The following SPMIP7 variants were observed in gnomAD, a reference collection of about 807,000 sequenced individuals.
SPMIP7 encodes protein SPMIP7.
At chr7:50,122,824 C>T in the SPMIP7 span, among the ~76,000 whole-genome samples, 1 of 152,208 alleles carries the variant, frequency 6.6e-6, no homozygotes, top group African/African-American at 2.4e-5. Flanking sequence ...AAATGCTCAT[C>T]ATCACTGGCC....
chr7:50,138,054 T>A, the SPMIP7 span, among the ~76,000 whole-genome samples: 1 of 152,330 alleles, frequency 6.6e-6, no homozygotes, highest in South Asian at 2.1e-4. Flanking sequence ...GTGAAGATTT[T>A]AATGAGTGTT....
the SPMIP7 span, among the ~76,000 whole-genome samples, chr7:50,124,445 A>G: frequency 6.6e-6 from 1 of 152,194 alleles, no homozygotes; most frequent in Non-Finnish European, 1.5e-5. Flanking sequence ...TTTCAAATGC[A>G]CATGATATGT....
chr7:50,096,291 C>A, the SPMIP7 span: 25 of 1,551,824 alleles, frequency 1.6e-5, no homozygotes, highest in Non-Finnish European at 2.0e-5. Context: ...AAATTTCACC[C>A]TTATCCCCCT....
the SPMIP7 span, among the ~76,000 whole-genome samples, chr7:50,096,830 T>C: frequency 6.6e-6 from 1 of 152,224 alleles, no homozygotes; most frequent in African/African-American, 2.4e-5. Context: ...AGAAAATTTA[T>C]TCTTTAAGAA....
At chr7:50,116,809 A>G in the SPMIP7 span, among the ~76,000 whole-genome samples, 1 of 152,218 alleles carries the variant, frequency 6.6e-6, no homozygotes, top group East Asian at 1.9e-4. Context: ...GTAGAGGGGA[A>G]AAATTCAATA....
the SPMIP7 span, among the ~76,000 whole-genome samples, chr7:50,108,952 T>C: frequency 2.6e-4 from 40 of 152,160 alleles, no homozygotes; most frequent in African/African-American, 9.4e-4. Context: ...CTTAGACAGG[T>C]CATATCATAG....
the SPMIP7 span, among the ~76,000 whole-genome samples, chr7:50,102,072 C>T: frequency 1.3e-5 from 2 of 152,182 alleles, no homozygotes; most frequent in African/African-American, 4.8e-5. Flanking sequence ...GCCTGTAATC[C>T]CAGCAGTTTG....
At chr7:50,157,410 C>T in the SPMIP7 span, among the ~76,000 whole-genome samples, 1 of 152,154 alleles carries the variant, frequency 6.6e-6, no homozygotes, top group South Asian at 2.1e-4. Flanking sequence ...TTTCTAGCTC[C>T]CATTTCCACC....
the SPMIP7 span, among the ~76,000 whole-genome samples, chr7:50,125,240 A>C: frequency 1.1e-3 from 39 of 36,552 alleles, 6 homozygotes; most frequent in African/African-American, 3.5e-3. Context: ...ATATATATAC[A>C]CATATATACA....
the SPMIP7 span, among the ~76,000 whole-genome samples, chr7:50,155,815 G>A: frequency 2.8e-4 from 6 of 21,526 alleles, no homozygotes; most frequent in Non-Finnish European, 6.1e-4. Context: ...CTACACACAT[G>A]GCTGTCATCC....
At chr7:50,125,227 CACATATATAT>C in the SPMIP7 span, among the ~76,000 whole-genome samples, 5 of 84,758 alleles carry the variant, frequency 5.9e-5, no homozygotes, top group South Asian at 1.4e-3. Flanking sequence ...CACATATATA[CACATATATAT>C]ACACATATAT....
chr7:50,121,814 C>T, the SPMIP7 span, among the ~76,000 whole-genome samples: 3 of 131,642 alleles, frequency 2.3e-5, no homozygotes, highest in Non-Finnish European at 4.8e-5. Context: ...CCATCATGCC[C>T]AGCTAATTTT....
chr7:50,102,118 C>T, the SPMIP7 span, among the ~76,000 whole-genome samples: 2 of 152,132 alleles, frequency 1.3e-5, no homozygotes, highest in Admixed American at 6.5e-5. Flanking sequence ...GAGGTCGGGA[C>T]TTCAAGACCA....
the SPMIP7 span, among the ~76,000 whole-genome samples, chr7:50,155,814 T>C: frequency 0.013 from 14 of 1,066 alleles, no homozygotes; most frequent in Non-Finnish European, 0.024. Context: ...ACTACACACA[T>C]GGCTGTCATC....
chr7:50,149,585 T>C, the SPMIP7 span, among the ~76,000 whole-genome samples: 5 of 152,340 alleles, frequency 3.3e-5, no homozygotes, highest in East Asian at 9.6e-4. Context: ...CCCCACTCTT[T>C]AGCTGCCTTA....
chr7:50,126,690 G>A, the SPMIP7 span, among the ~76,000 whole-genome samples: 1 of 151,842 alleles, frequency 6.6e-6, no homozygotes, highest in African/African-American at 2.4e-5. Context: ...ATCAAGTAAA[G>A]TTTATCTCAG....
the SPMIP7 span, among the ~76,000 whole-genome samples, chr7:50,157,110 A>G: frequency 6.6e-6 from 1 of 152,188 alleles, no homozygotes; most frequent in Non-Finnish European, 1.5e-5. Flanking sequence ...ATTTGGCTGG[A>G]TCTCTGTAAT....
the SPMIP7 span, among the ~76,000 whole-genome samples, chr7:50,125,984 A>G: frequency 0.52 from 79,026 of 151,912 alleles, 21,539 homozygotes; most frequent in East Asian, 0.73. Context: ...ACATATGCAC[A>G]TACACACACA....
the SPMIP7 span, among the ~76,000 whole-genome samples, chr7:50,121,115 C>T: frequency 2.5e-4 from 38 of 152,066 alleles, no homozygotes; most frequent in Non-Finnish European, 5.0e-4. Context: ...TAAAAAAACA[C>T]GAGGAAAGCA....
Sources: gnomAD v4.1 joint callset for allele counts (sites outside exome capture counted in the v4.1 genomes callset) on GRCh38, gnomAD v4.1.1 for gene constraint, MANE v1.5 for transcripts, NCBI Gene and HGNC (gene_info 2026-07-23, HGNC 2026-07-21) for gene names.